CAPN8: variants seen among roughly 807,000 people sequenced by gnomAD.
CAPN8 encodes calpain 8, also known as calpain-8.
CAPN8 carries 87 observed loss-of-function variants against 80.9 expected under a neutral mutation model. That is an observed-to-expected ratio of 1.07 (90% CI 0.90 to 1.28). The LOEUF (loss-of-function observed/expected upper bound fraction) is 1.28, where lower values mean the gene tolerates loss of function less well. Among genes scored for constraint, CAPN8 ranks in the 50% most tolerant of loss-of-function variants. CAPN8 has a pLI of 0.00. For missense variants in CAPN8, 757 were observed against 702.0 expected, an observed-to-expected ratio of 1.08 and a Z score of -0.89; for synonymous variants, 299 against 273.8, an observed-to-expected ratio of 1.09 and a Z score of -0.91.
rs1656973589 is a variant in CAPN8, at chr1:223,609,235, G to A, written c.1453C>T (p.Leu485=). ...GRARLPPGEY[L]VVPSTFEPFK... Reference sequence around the variant, plus strand: ...GGTTCAAATGTGGATGGCACCACCAGGTACTCCCCAGGGGGCAGCCGGGCC... The same window carrying A: ...GGTTCAAATGTGGATGGCACCACCAAGTACTCCCCAGGGGGCAGCCGGGCC... The change falls in exon 12 of 21, where the codon CTG becomes TTG. Residue 485 remains leucine (L), a synonymous_variant. Coordinates refer to ENST00000366872, the MANE Select transcript of CAPN8 (RefSeq NM_001143962.2). 1 of 398,448 alleles carries A rather than the reference G, an allele frequency of 2.5e-6. No homozygotes were observed. The allele number at this position is 398,448 out of a possible 1,614,324, so 24.7% of individuals were successfully genotyped here.
Position 223,625,856 on chromosome 1 carries a change from G to A in CAPN8, c.762C>T (p.Thr254=). 6.4e-7 allele frequency: 1 copy of A among 1,551,588 alleles called. No individual in the cohort carries two copies. Among genetic ancestry groups the A allele is most frequent in the Non-Finnish European group, 8.7e-7 (1 of 1,146,860 alleles). ...VSSAAEAEAI[T]SQKLVKSHAY... is the part of the protein sequence containing the mutation. Reference sequence around the variant, plus strand: ...CATGACTCTTAACCAGCTTCTGGCTGGTGATGGCTTCGGCTTCGGCTGCAC... The same window carrying A: ...CATGACTCTTAACCAGCTTCTGGCTAGTGATGGCTTCGGCTTCGGCTGCAC... The change falls in exon 6 of 21, where the codon ACC becomes ACT. Residue 254 remains threonine (T), a synonymous_variant. Coordinates refer to ENST00000366872, the MANE Select transcript of CAPN8 (RefSeq NM_001143962.2).
intron 9 of CAPN8, chr1:223,617,412 A>T (rs1657229660): frequency 6.6e-6 from 1 of 152,094 alleles, no homozygotes; most frequent in South Asian, 2.1e-4. Flanking sequence ...GATGGAAAAA[A>T]AAATCTGTAA....
chr1:223,546,387 C>T (rs1465576473), intron 16 of CAPN8, among the ~76,000 whole-genome samples: 1 of 152,108 alleles, frequency 6.6e-6, no homozygotes, highest in Non-Finnish European at 1.5e-5. Context: ...CATAATAAGA[C>T]CCCATCTCTG....
chr1:223,609,051 A>C, intron 12 of CAPN8, 102 bp downstream of exon 12: 1 of 396,636 alleles, frequency 2.5e-6, no homozygotes, highest in Non-Finnish European at 4.4e-6. Flanking sequence ...TCTTCTGGGA[A>C]CATGTACTGG....
intron 2 of CAPN8, among the ~76,000 whole-genome samples, chr1:223,639,249 A>G (rs1463058297): frequency 6.6e-6 from 1 of 152,202 alleles, no homozygotes; most frequent in Non-Finnish European, 1.5e-5. Context: ...CAAAAAATAA[A>G]AAAATAAAAT....
At chr1:223,553,050 T>C (rs979752106) in intron 14 of CAPN8, among the ~76,000 whole-genome samples, 1 of 152,198 alleles carries the variant, frequency 6.6e-6, no homozygotes, top group Non-Finnish European at 1.5e-5. Flanking sequence ...TATTTTATCC[T>C]TAAGTCTAGA....
chr1:223,620,091 C>A, intron 8 of CAPN8, 101 bp downstream of exon 8: 1 of 951,450 alleles, frequency 1.1e-6, no homozygotes, highest in Non-Finnish European at 1.6e-6. Context: ...GATCAGGAAC[C>A]ATGTCGCCTT....
intron 2 of CAPN8, among the ~76,000 whole-genome samples, chr1:223,650,954 G>T (rs1457155651): frequency 6.6e-6 from 1 of 152,192 alleles, no homozygotes; most frequent in African/African-American, 2.4e-5. Context: ...AACGAGCAGT[G>T]GAGGGACTGG....
rs759700721 is a variant in CAPN8, at chr1:223,619,435, G to A, written c.993C>T (p.Phe331=). The change falls in exon 9 of 21, where the codon TTC becomes TTT. Residue 331 remains phenylalanine (F), a synonymous_variant. Transcript: ENST00000366872. ...DGEFWMSLSD[F]VRQFSRLEIC... ...TCTCCAACCGAGAGAACTGCCTCAC[G>A]AAATCTGAAAGTGACATCCTGGGGC... The A allele has an allele frequency of 6.4e-6, 10 of 1,551,442 alleles. No homozygotes were observed. Among genetic ancestry groups the A allele is most frequent in the Admixed American group, 3.9e-5 (2 of 50,974 alleles).
chr1:223,659,235 T>C (rs2102739791), intron 1 of CAPN8, among the ~76,000 whole-genome samples: 1 of 152,324 alleles, frequency 6.6e-6, no homozygotes, highest in Middle Eastern at 3.4e-3. Context: ...CACACTGCTC[T>C]CCTAGAGCGT....
At chr1:223,627,250 C>A in intron 4 of CAPN8, 93 bp from the exon 5 acceptor site, 3 of 1,372,296 alleles carry the variant, frequency 2.2e-6, no homozygotes, top group Non-Finnish European at 9.9e-7. Flanking sequence ...CATACTGTGG[C>A]CTGGAAGATA....
rs1370780126 is a variant in CAPN8, at chr1:223,544,785, G to A, written c.1899C>T (p.Ala633=). ...GTIDAHEMRT[A]LRKAGFTLNS... is the part of the protein sequence containing the mutation. Reference sequence around the variant, plus strand: ...ATGTGTCCTCACCTGCCTTCCTGAGGGCTGTCCTCATCTCGTGGGCATCGA... The same window carrying A: ...ATGTGTCCTCACCTGCCTTCCTGAGAGCTGTCCTCATCTCGTGGGCATCGA... Residue 633 remains alanine, a synonymous_variant, in exon 18 of 21, where the codon GCC becomes GCT. Transcript: ENST00000366872. 3.2e-6 allele frequency: 5 copies of A among 1,551,524 alleles called. No homozygotes were observed. The highest frequency in any genetic ancestry group is 2.4e-5 in the East Asian group (1 of 40,932).
intron 7 of CAPN8, among the ~76,000 whole-genome samples, chr1:223,620,488 G>C (rs1256082829): frequency 2.0e-5 from 3 of 152,172 alleles, no homozygotes; most frequent in Non-Finnish European, 4.4e-5. Context: ...GATGGCCTTG[G>C]ACATGTGCCA....
intron 2 of CAPN8, among the ~76,000 whole-genome samples, chr1:223,641,366 TA>T (rs1553338765): frequency 5.5e-4 from 80 of 146,128 alleles, no homozygotes; most frequent in African/African-American, 1.4e-3. Context: ...AGCCTTTTTT[TA>T]AAAAAAAAAA....
intron 1 of CAPN8, among the ~76,000 whole-genome samples, chr1:223,656,687 T>TG (rs1259829729): frequency 2.5e-5 from 3 of 121,000 alleles, no homozygotes; most frequent in African/African-American, 7.8e-5. Context: ...TTTTGTTTTT[T>TG]TTTTTTTTTT....
chr1:223,631,894 C>T (rs1657784207), intron 2 of CAPN8, among the ~76,000 whole-genome samples: 3 of 152,196 alleles, frequency 2.0e-5, no homozygotes, highest in African/African-American at 7.2e-5. Flanking sequence ...AGAGCAGCCA[C>T]ATAGCCCTCA....
chr1:223,646,289 T>C (rs1221418911), intron 2 of CAPN8, among the ~76,000 whole-genome samples: 1 of 152,246 alleles, frequency 6.6e-6, no homozygotes, highest in East Asian at 1.9e-4. Context: ...GGTGTGGATT[T>C]GCTTCCAGAA....
chr1:223,663,564 C>T (rs1658706725), intron 1 of CAPN8, among the ~76,000 whole-genome samples: 1 of 152,214 alleles, frequency 6.6e-6, no homozygotes, highest in Non-Finnish European at 1.5e-5. Context: ...TTCTCCCTGA[C>T]CACCTTTCCA....
intron 1 of CAPN8, among the ~76,000 whole-genome samples, chr1:223,661,108 G>A (rs945095489): frequency 3.3e-5 from 5 of 151,110 alleles, no homozygotes; most frequent in Non-Finnish European, 7.4e-5. Context: ...AGAGGTTGCA[G>A]TGAGCCAAGA....
Sources: gnomAD v4.1 joint callset for allele counts (sites outside exome capture counted in the v4.1 genomes callset) on GRCh38, gnomAD v4.1.1 for gene constraint, MANE v1.5 for transcripts, NCBI Gene and HGNC (gene_info 2026-07-23, HGNC 2026-07-21) for gene names.